MTMR7: variants seen among roughly 807,000 people sequenced by gnomAD.
MTMR7 encodes myotubularin related protein 7, also known as phosphatidylinositol-3-phosphate phosphatase MTMR7.
Under a neutral mutation model 81.2 loss-of-function variants are expected in MTMR7, and 76 were observed. That is an observed-to-expected ratio of 0.94 (90% CI 0.78 to 1.13). MTMR7 has a LOEUF of 1.13. MTMR7 is among the 50% of genes most tolerant of loss of function. MTMR7 has a pLI of 0.00. For synonymous variants in MTMR7, 372 were observed against 289.8 expected (o/e 1.28, Z -2.88); for missense variants, 1,044 against 820.0 (o/e 1.27, Z -3.34).
chr8:17,324,263 T>G (rs7003503), intron 7 of MTMR7, among the ~76,000 whole-genome samples: 45,335 of 152,072 alleles, frequency 0.3, 8,417 homozygotes, highest in African/African-American at 0.52. Flanking sequence ...GTCTGATGAA[T>G]AGATGAGCGT....
At chr8:17,380,942 TG>T (rs956405865) in intron 1 of MTMR7, among the ~76,000 whole-genome samples, 5 of 152,224 alleles carry the variant, frequency 3.3e-5, no homozygotes, top group African/African-American at 1.2e-4. Flanking sequence ...AGCTTGGCAA[TG>T]GATACAAGAG....
chr8:17,380,954 C>G (rs1474287783), intron 1 of MTMR7, among the ~76,000 whole-genome samples: 1 of 152,032 alleles, frequency 6.6e-6, no homozygotes, highest in South Asian at 2.1e-4. Flanking sequence ...GATACAAGAG[C>G]CCAAAGATTG....
At chr8:17,328,934 C>A (rs987645074) in intron 7 of MTMR7, among the ~76,000 whole-genome samples, 1 of 152,186 alleles carries the variant, frequency 6.6e-6, no homozygotes, top group Non-Finnish European at 1.5e-5. Flanking sequence ...ATTAGATCAT[C>A]TCTATAGAGG....
At chr8:17,315,841 G>A (rs1339417467) in intron 7 of MTMR7, among the ~76,000 whole-genome samples, 3 of 152,086 alleles carry the variant, frequency 2.0e-5, no homozygotes, top group Admixed American at 2.0e-4. Context: ...GTGAGACTCA[G>A]GCTCTACAAA....
intron 13 of MTMR7, among the ~76,000 whole-genome samples, chr8:17,300,627 G>A (rs560362619): frequency 5.3e-5 from 8 of 152,256 alleles, no homozygotes; most frequent in South Asian, 2.1e-4. Flanking sequence ...TTCACTTACC[G>A]TGAAACTCAC....
chr8:17,363,457 G>A (rs951163230), intron 3 of MTMR7, among the ~76,000 whole-genome samples: 1 of 152,184 alleles, frequency 6.6e-6, no homozygotes, highest in Non-Finnish European at 1.5e-5. Flanking sequence ...TTTTCTGCGT[G>A]TGGGCTGATA....
intron 4 of MTMR7, among the ~76,000 whole-genome samples, chr8:17,353,313 G>C (rs1425809930): frequency 6.6e-6 from 1 of 152,048 alleles, no homozygotes; most frequent in East Asian, 1.9e-4. Flanking sequence ...TTGTTTAATG[G>C]GTATAGAGTA....
intron 13 of MTMR7, among the ~76,000 whole-genome samples, chr8:17,300,583 G>A (rs1817046806): frequency 6.6e-6 from 1 of 152,184 alleles, no homozygotes; most frequent in Admixed American, 6.5e-5. Flanking sequence ...CATGAATGAA[G>A]TGTTTATCAT....
At chr8:17,343,888 C>T (rs182141670) in intron 5 of MTMR7, among the ~76,000 whole-genome samples, 25 of 152,230 alleles carry the variant, frequency 1.6e-4, no homozygotes, top group Middle Eastern at 3.4e-3. Flanking sequence ...GACAGATTAT[C>T]CAAAGAGTAT....
rs1359122778 is a variant in MTMR7, at chr8:17,305,802, A to G, written c.1307T>C (p.Phe436Ser). 6.2e-7 allele frequency: 1 copy of G among 1,613,628 alleles called. No individual in the cohort carries two copies. The highest frequency in any genetic ancestry group is 8.5e-7 in the Non-Finnish European group (1 of 1,179,666). ...TTGGCTGTTACATAGGAAGTTTCCA[A>G]ACTGGCAGGAATAAATGTGATGTTG... ...HIQHHIYSCQFGNFLCNSQKE... is the reference protein window; with the variant it reads ...HIQHHIYSCQSGNFLCNSQKE... Residue 436 changes from phenylalanine to serine, a missense_variant, in exon 11 of 14, where the codon TTT becomes TCT. Phe to Ser is a radical substitution (Grantham distance 155, BLOSUM62 -2). Transcript: ENST00000180173.
At chr8:17,396,031 T>C (rs1470185510) in intron 1 of MTMR7, among the ~76,000 whole-genome samples, 2 of 152,186 alleles carry the variant, frequency 1.3e-5, no homozygotes, top group East Asian at 3.9e-4. Context: ...GAAATAAGTA[T>C]ATTTATGTAC....
intron 1 of MTMR7, among the ~76,000 whole-genome samples, chr8:17,404,946 C>T (rs1338718073): frequency 1.3e-5 from 2 of 152,206 alleles, no homozygotes; most frequent in Non-Finnish European, 2.9e-5. Context: ...CTGCCTCAGC[C>T]TCCAGAGTAG....
rs1040522878 is a variant in MTMR7, at chr8:17,340,228, C to T, written c.732+1135G>A. 5.3e-5 allele frequency among the ~76,000 whole-genome samples: 8 copies of T among 152,338 alleles called. No homozygotes were observed. The South Asian group carries it at 1.7e-3, about 32-fold the overall frequency. On this transcript the variant is annotated intron_variant, in intron 6 of 13. Coordinates refer to ENST00000180173, the MANE Select transcript of MTMR7 (RefSeq NM_004686.5). ...TTCGCCTCCCAAAGTGCTGGGATTA[C>T]AGGCACAAGCCACTGCGCCCAGCCC...
intron 3 of MTMR7, among the ~76,000 whole-genome samples, chr8:17,363,942 T>A (rs1820136241): frequency 1.3e-5 from 2 of 151,038 alleles, no homozygotes. Context: ...ATCCTTTTTT[T>A]TTTTTGCTTA....
Position 17,299,978 on chromosome 8 carries a change from G to A in MTMR7, c.1867C>T (p.Gln623Ter). 6.2e-7 allele frequency: 1 copy of A among 1,614,084 alleles called. No individual in the cohort carries two copies. The highest frequency in any genetic ancestry group is 8.5e-7 in the Non-Finnish European group (1 of 1,180,008). Reference protein sequence around the residue: ...SDPDLSANSDQESGVEDLSCR... With the variant: ...SDPDLSANSD Reference sequence around the variant, plus strand: ...CTCAAATCCTCCACCCCGGACTCTTGGTCACTGTTGGCTGACAGATCTGGA... The same window carrying A: ...CTCAAATCCTCCACCCCGGACTCTTAGTCACTGTTGGCTGACAGATCTGGA... Residue 623 changes from glutamine to a stop codon, truncating the protein, a stop_gained, in exon 14 of 14, where the codon CAA becomes TAA. Coordinates refer to ENST00000180173, the MANE Select transcript of MTMR7 (RefSeq NM_004686.5). LOFTEE classifies it high-confidence loss of function.
In MTMR7 at chr8:17,361,124, T is replaced by C; in HGVS notation, c.461A>G (p.Asp154Gly). 6.2e-7 allele frequency: 1 copy of C among 1,614,114 alleles called. No homozygotes were observed. The highest frequency in any genetic ancestry group is 8.5e-7 in the Non-Finnish European group (1 of 1,180,016). The change falls in exon 4 of 14, where the codon GAC becomes GGC. Residue 154 changes from aspartate (D) to glycine (G), a missense_variant. Physicochemically the swap from Asp to Gly is moderately conservative, Grantham distance 94. Transcript: ENST00000180173. ...HYWQLSDVNRDYRVCDSYPTE... is the reference protein window; with the variant it reads ...HYWQLSDVNRGYRVCDSYPTE... ...TGGGTTTCACGCACTCACTCTGTAG[T>C]CTCTATTCACATCGCTGAGCTGCCA... is the stretch of plus-strand genomic sequence containing the variant.
chr8:17,382,550 C>G (rs1278368828), intron 1 of MTMR7, among the ~76,000 whole-genome samples: 1 of 152,134 alleles, frequency 6.6e-6, no homozygotes, highest in African/African-American at 2.4e-5. Flanking sequence ...ATTTTAAAAT[C>G]TATTTAGCAC....
At chr8:17,301,319 G>C (rs900085955) in intron 13 of MTMR7, among the ~76,000 whole-genome samples, 11 of 152,210 alleles carry the variant, frequency 7.2e-5, no homozygotes, top group Admixed American at 2.0e-4. Flanking sequence ...GAAAAGAACA[G>C]AGTAAGTTTC....
rs140535945 is a variant in MTMR7 at position 17,311,576 on chromosome 8, C to T, written c.1036G>A (p.Ala346Thr). 3.7e-4 allele frequency: 590 copies of T among 1,614,142 alleles called. 5 individuals are homozygous for T. The highest frequency in any genetic ancestry group is 3.6e-3 in the South Asian group (332 of 91,080). Residue 346 changes from alanine to threonine, a missense_variant, in exon 9 of 14, where the codon GCT becomes ACT. Ala to Thr is a moderately conservative substitution (Grantham distance 58, BLOSUM62 0). Coordinates refer to ENST00000180173, the MANE Select transcript of MTMR7 (RefSeq NM_004686.5). ...VHCSDGWDRTAQVCSVASLLL... is the reference protein window; with the variant it reads ...VHCSDGWDRTTQVCSVASLLL... ...AGGCTTGCCACCGAGCACACCTGAG[C>T]GGTCCTGTCCCAGCCATCAGAACAG...
Sources: allele counts gnomAD v4.1 joint callset (sites outside exome capture counted in the v4.1 genomes callset), GRCh38; gene constraint gnomAD v4.1.1; transcripts MANE v1.5; gene names NCBI Gene and HGNC (gene_info 2026-07-23, HGNC 2026-07-21).